Variants in SRL observed in about 807,000 individuals in gnomAD.
The protein encoded by SRL is sarcalumenin.
In SRL, 23 loss-of-function variants were observed where a neutral mutation model predicts 39.5. The observed-to-expected ratio is 0.58, with a 90% CI of 0.42 to 0.82. The LOEUF is 0.82. SRL is among the 40% of genes least tolerant of loss of function. The pLI, the probability that SRL is intolerant of heterozygous loss-of-function variation, is 0.00. For missense variants in SRL, 592 were observed against 607.8 expected (o/e 0.97, Z 0.27); for synonymous variants, 272 against 237.4 (o/e 1.15, Z -1.34).
intron 1 of SRL, among the ~76,000 whole-genome samples, chr16:4,238,788 A>G (rs1195141253): frequency 7.1e-6 from 1 of 140,686 alleles, no homozygotes; most frequent in Non-Finnish European, 1.6e-5. Context: ...ACACCGAGCT[A>G]TTTTTTTTTT....
chr16:4,195,701 G>T lies in SRL; in HGVS notation c.462C>A (p.Asp154Glu). The T allele has an allele frequency of 6.2e-7, 1 of 1,614,126 alleles. No homozygotes were observed. The highest frequency in any genetic ancestry group is 2.2e-5 in the East Asian group (1 of 44,862). The change falls in exon 5 of 6, where the codon GAC (aspartate) becomes GAA (glutamate). Residue 154 changes from aspartate (D) to glutamate (E), a missense_variant. Coordinates refer to ENST00000399609, the MANE Select transcript of SRL (RefSeq NM_001098814.2). ...CAAGGGGTGAGAAGGAACGGGCGCT[G>T]TCAGCAGCCATGACGATGCCCTCGA... is the stretch of plus-strand genomic sequence containing the variant. ...KTIEGIVMAA[D>E]SARSFSPLEK...
intron 1 of SRL, chr16:4,207,422 A>C: frequency 2.2e-6 from 1 of 456,318 alleles, no homozygotes; most frequent in Non-Finnish European, 4.4e-6. Context: ...ACTCTCCCCC[A>C]ACAGCCGCGA....
At chr16:4,212,791 C>T (rs1370385747) in intron 1 of SRL, among the ~76,000 whole-genome samples, 1 of 152,144 alleles carries the variant, frequency 6.6e-6, no homozygotes, top group Non-Finnish European at 1.5e-5. Flanking sequence ...AGCCCCTCTG[C>T]CACCAGCCTT....
intron 1 of SRL, among the ~76,000 whole-genome samples, chr16:4,222,713 C>G (rs1257933514): frequency 6.6e-6 from 1 of 152,230 alleles, no homozygotes; most frequent in Non-Finnish European, 1.5e-5. Flanking sequence ...GAGCACCTGA[C>G]AGTAAGGAGC....
At position 4,194,154 on chromosome 16, in the gene SRL, G is replaced by A. The variant is rs2052103427; in HGVS notation, c.611-1190C>T. Among the ~76,000 whole-genome samples, 5 of 152,292 alleles carry A rather than the reference G, an allele frequency of 3.3e-5. No homozygotes were observed. The South Asian group carries it at 1.0e-3, about 32-fold the overall frequency. On this transcript the variant is annotated intron_variant, in intron 5 of 5. Transcript: ENST00000399609. ...GCAGGACTCAGTGGCCTACTCCATA[G>A]CCACATGCCTGGTGGATCTGGCTTC...
At chr16:4,232,653 C>T (rs116954360) in intron 1 of SRL, among the ~76,000 whole-genome samples, 11 of 152,222 alleles carry the variant, frequency 7.2e-5, no homozygotes, top group East Asian at 1.9e-4. Flanking sequence ...TGGGACCACA[C>T]GCATAGGCCA....
At chr16:4,219,433 C>T (rs114189614) in intron 1 of SRL, among the ~76,000 whole-genome samples, 2,461 of 152,246 alleles carry the variant, frequency 0.016, 66 homozygotes, top group African/African-American at 0.055. Flanking sequence ...GGGGCAGCCA[C>T]AGTAGTGTCA....
intron 3 of SRL, among the ~76,000 whole-genome samples, chr16:4,199,693 CTTTTT>C (rs35631556): frequency 1.0e-5 from 1 of 96,422 alleles, no homozygotes. Flanking sequence ...TTTTCTTTTC[CTTTTT>C]TTTTTTTTTT....
rs531539574 is a variant in SRL at position 4,241,569 on chromosome 16, C to T, written c.61+438G>A. ...TGCCCACTGTATCCCCTTCTGTCCA[C>T]GCAAACCCAGTTCTCTTACCCGAGT... On this transcript the variant is annotated intron_variant, in intron 1 of 5. Coordinates refer to ENST00000399609, the MANE Select transcript of SRL (RefSeq NM_001098814.2). Among the ~76,000 whole-genome samples, 20 of 152,370 alleles carry T rather than the reference C, an allele frequency of 1.3e-4. No homozygotes were observed. The South Asian group carries it at 3.7e-3, about 28-fold the overall frequency.
chr16:4,212,994 A>C (rs1398342476), intron 1 of SRL, among the ~76,000 whole-genome samples: 1 of 152,210 alleles, frequency 6.6e-6, no homozygotes, highest in Non-Finnish European at 1.5e-5. Context: ...CGTGAGTCCA[A>C]CTGTAAAGGA....
rs182101417 is a variant in SRL at position 4,239,967 on chromosome 16, C to A, written c.61+2040G>T. On this transcript the variant is annotated intron_variant, in intron 1 of 5. Transcript: ENST00000399609. ...AAGGCCCCACCTGGCTGCTCCTTCC[C>A]CGTCCTGGCATGGGCACGGGCGACG... Among the ~76,000 whole-genome samples, 604 of 152,306 alleles carry A rather than the reference C, an allele frequency of 4.0e-3. 5 individuals carry two copies. The highest frequency in any genetic ancestry group is 0.014 in the African/African-American group (582 of 41,562).
In SRL at chr16:4,195,796, C is replaced by T. The variant is rs187202204; in HGVS notation, c.377-10G>A. The T allele has an allele frequency of 4.1e-5, 66 of 1,608,086 alleles. 1 individual carries two copies. The South Asian group carries it at 5.4e-4, about 13-fold the overall frequency. ...GTGGTGGGTTCAGCGCCTGGGCACA[C>T]GGGGTGAGAGGTGAAGGAATACATG... On this transcript the variant is annotated splice_polypyrimidine_tract_variant and intron_variant, in intron 4 of 5. Transcript: ENST00000399609.
chr16:4,216,746 C>A lies in SRL; in HGVS notation c.62-12112G>T, dbSNP rs1317394216. On this transcript the variant is annotated intron_variant, in intron 1 of 5. Transcript: ENST00000399609. ...CAGAAGGCCTTGGGCCTGCTGCCTC[C>A]CTTCAGAGGGGCCGAGCTGGGGAGG... Among the ~76,000 whole-genome samples, 3 of 152,272 alleles carry A rather than the reference C, an allele frequency of 2.0e-5. No individual in the cohort carries two copies. The East Asian group carries it at 5.8e-4, about 29-fold the overall frequency.
At chr16:4,216,792 G>A (rs934885992) in intron 1 of SRL, among the ~76,000 whole-genome samples, 1 of 152,188 alleles carries the variant, frequency 6.6e-6, no homozygotes, top group African/African-American at 2.4e-5. Context: ...GAAGGGGAAA[G>A]GGATGCAGGC....
chr16:4,230,616 C>T (rs1020468292), intron 1 of SRL, among the ~76,000 whole-genome samples: 11 of 151,648 alleles, frequency 7.3e-5, no homozygotes, highest in East Asian at 1.9e-4. Context: ...CTTGAACTCC[C>T]GACCTCGTGA....
chr16:4,215,047 C>T (rs754905668), intron 1 of SRL, among the ~76,000 whole-genome samples: 1 of 152,178 alleles, frequency 6.6e-6, no homozygotes, highest in Non-Finnish European at 1.5e-5. Flanking sequence ...GGATTACAGG[C>T]ATGAGCCACT....
At chr16:4,193,063 A>G (rs565582230) in intron 5 of SRL, 99 bp from the exon 6 acceptor site, 4 of 1,048,754 alleles carry the variant, frequency 3.8e-6, no homozygotes, top group Non-Finnish European at 5.5e-6. Context: ...TGAAAGAAGG[A>G]ACAGCGCTAC....
intron 1 of SRL, among the ~76,000 whole-genome samples, chr16:4,213,500 C>G (rs2052420696): frequency 6.7e-6 from 1 of 148,532 alleles, no homozygotes; most frequent in Non-Finnish European, 1.5e-5. Flanking sequence ...GCCTCCACCT[C>G]CTGGGCTCAA....
intron 1 of SRL, among the ~76,000 whole-genome samples, chr16:4,232,235 G>T (rs547702561): frequency 8.5e-5 from 13 of 152,348 alleles, no homozygotes; most frequent in Non-Finnish European, 7.3e-5. Flanking sequence ...CCCAGGACAG[G>T]GTGAGTACTT....
Sources: gnomAD v4.1 joint callset for allele counts (sites outside exome capture counted in the v4.1 genomes callset) on GRCh38, gnomAD v4.1.1 for gene constraint, MANE v1.5 for transcripts, NCBI Gene and HGNC (gene_info 2026-07-23, HGNC 2026-07-21) for gene names.